Variants in NXPH1 observed in about 807,000 individuals in gnomAD.
NXPH1 encodes neurexophilin-1.
Under a neutral mutation model 23.7 loss-of-function variants are expected in NXPH1, and 5 were observed. That is an observed-to-expected ratio of 0.21 (90% CI 0.11 to 0.44). The LOEUF (loss-of-function observed/expected upper bound fraction) is 0.44, where lower values mean the gene tolerates loss of function less well. Ranked by LOEUF, NXPH1 falls within the 20% of genes least tolerant of loss-of-function variation. NXPH1 has a pLI of 0.99. For synonymous variants in NXPH1, 144 were observed against 122.2 expected, an observed-to-expected ratio of 1.18 and a Z score of -1.18; for missense variants, 324 against 321.6, an observed-to-expected ratio of 1.01 and a Z score of -0.06.
At chr7:8,465,342 G>A (rs1169218789) in intron 2 of NXPH1, among the ~76,000 whole-genome samples, 1 of 152,082 alleles carries the variant, frequency 6.6e-6, no homozygotes, top group African/African-American at 2.4e-5. Flanking sequence ...TTTTCTACTC[G>A]CTCCTCTATG....
At chr7:8,695,552 T>G (rs1821295052) in intron 2 of NXPH1, among the ~76,000 whole-genome samples, 1 of 151,646 alleles carries the variant, frequency 6.6e-6, no homozygotes, top group Non-Finnish European at 1.5e-5. Context: ...TACATTGCTA[T>G]TTATATGACC....
At chr7:8,436,609 C>T (rs1369077913) in intron 2 of NXPH1, among the ~76,000 whole-genome samples, 1 of 152,006 alleles carries the variant, frequency 6.6e-6, no homozygotes, top group Non-Finnish European at 1.5e-5. Flanking sequence ...TGAGATATTT[C>T]AGGTCTGGCT....
intron 2 of NXPH1, among the ~76,000 whole-genome samples, chr7:8,633,647 G>T (rs6963180): frequency 6.6e-6 from 1 of 151,834 alleles, no homozygotes; most frequent in African/African-American, 2.4e-5. Context: ...GTTTAGTAAC[G>T]TTTAACAATT....
At chr7:8,614,515 A>T (rs1458903483) in intron 2 of NXPH1, among the ~76,000 whole-genome samples, 1 of 152,006 alleles carries the variant, frequency 6.6e-6, no homozygotes, top group Non-Finnish European at 1.5e-5. Context: ...ATATATATAC[A>T]TACACGTTTA....
intron 2 of NXPH1, among the ~76,000 whole-genome samples, chr7:8,623,958 A>C (rs1325856800): frequency 6.6e-6 from 1 of 152,136 alleles, no homozygotes; most frequent in African/African-American, 2.4e-5. Context: ...AAAATTTTTG[A>C]ATCTAGTTTA....
intron 2 of NXPH1, among the ~76,000 whole-genome samples, chr7:8,708,198 G>A (rs1218468134): frequency 6.6e-6 from 1 of 152,116 alleles, no homozygotes; most frequent in Non-Finnish European, 1.5e-5. Flanking sequence ...GATCAAACAT[G>A]AGGAACCTGA....
chr7:8,646,700 A>C (rs759049861), intron 2 of NXPH1, among the ~76,000 whole-genome samples: 1 of 152,054 alleles, frequency 6.6e-6, no homozygotes, highest in African/African-American at 2.4e-5. Flanking sequence ...TGATCATATA[A>C]TTTTTCTCAT....
chr7:8,566,213 A>T (rs1488018615), intron 2 of NXPH1, among the ~76,000 whole-genome samples: 1 of 151,750 alleles, frequency 6.6e-6, no homozygotes, highest in Non-Finnish European at 1.5e-5. Context: ...GATGACTCAG[A>T]TACTTGTCCA....
chr7:8,597,719 G>GT (rs1263792825), intron 2 of NXPH1, among the ~76,000 whole-genome samples: 2 of 120,954 alleles, frequency 1.7e-5, no homozygotes, highest in Non-Finnish European at 3.4e-5. Flanking sequence ...GGGGGCGGGG[G>GT]GGCAGTGTGG....
chr7:8,714,044 G>A (rs1253636074), intron 2 of NXPH1, among the ~76,000 whole-genome samples: 1 of 152,136 alleles, frequency 6.6e-6, no homozygotes, highest in Non-Finnish European at 1.5e-5. Flanking sequence ...CAAGGCCCTG[G>A]GTGGGTTCAG....
At chr7:8,721,174 C>T (rs1239695563) in intron 2 of NXPH1, among the ~76,000 whole-genome samples, 1 of 152,076 alleles carries the variant, frequency 6.6e-6, no homozygotes, top group Non-Finnish European at 1.5e-5. Context: ...CCAGGACCTG[C>T]TTAAGGGTAA....
intron 2 of NXPH1, among the ~76,000 whole-genome samples, chr7:8,622,408 C>T (rs1056146907): frequency 6.6e-6 from 1 of 152,104 alleles, no homozygotes; most frequent in Non-Finnish European, 1.5e-5. Flanking sequence ...AATTATAAGT[C>T]TAGTTCTTTC....
rs150469521 is a variant in NXPH1, at chr7:8,732,026, C to G, written c.55-18982C>G. Among the ~76,000 whole-genome samples the G allele has an allele frequency of 8.1e-3, 1,231 of 152,338 alleles. 16 individuals are homozygous for G. Among genetic ancestry groups the G allele is most frequent in the African/African-American group, 0.027 (1,143 of 41,566 alleles). On this transcript the variant is annotated intron_variant, in intron 2 of 2. Coordinates refer to ENST00000405863, the MANE Select transcript of NXPH1 (RefSeq NM_152745.3). ...GGCATAGGACCCTCCGAGCCAGGTGCGGGATATAATCTCCTGGTGCGCCAT... is the reference window on the plus strand; with the variant it reads ...GGCATAGGACCCTCCGAGCCAGGTGGGGGATATAATCTCCTGGTGCGCCAT...
chr7:8,517,605 A>AT (rs752526732), intron 2 of NXPH1, among the ~76,000 whole-genome samples: 28 of 152,262 alleles, frequency 1.8e-4, no homozygotes, highest in Admixed American at 1.2e-3. Flanking sequence ...CTGAAGGGAT[A>AT]TTTCTCTTTA....
intron 2 of NXPH1, among the ~76,000 whole-genome samples, chr7:8,590,039 C>A (rs888117070): frequency 6.6e-6 from 1 of 152,184 alleles, no homozygotes; most frequent in East Asian, 1.9e-4. Flanking sequence ...TTGGATAGCA[C>A]TGAGAGGCTA....
intron 2 of NXPH1, among the ~76,000 whole-genome samples, chr7:8,472,414 T>C (rs377055389): frequency 1.3e-5 from 2 of 152,184 alleles, no homozygotes; most frequent in East Asian, 1.9e-4. Context: ...GATAACAACA[T>C]TGCCATTTTA....
In NXPH1 at chr7:8,442,394, A is replaced by G. The variant is rs571370364; in HGVS notation, c.54+6627A>G. The stretch of plus-strand genomic sequence containing the variant: ...AACCTGCCTCTGGCCGCGCCTCGCC[A>G]TCACCCCCGCCGCCCTAATGGATTC... On this transcript the variant is annotated intron_variant, in intron 2 of 2. Transcript: ENST00000405863. This position sits in a 1 kb window ranked among gnomAD's most constrained non-coding sequence, Gnocchi z 4.6. 6.6e-6 allele frequency among the ~76,000 whole-genome samples: 1 copy of G among 152,094 alleles called. No individual in the cohort carries two copies. Among genetic ancestry groups the G allele is most frequent in the Non-Finnish European group, 1.5e-5 (1 of 68,002 alleles).
intron 2 of NXPH1, among the ~76,000 whole-genome samples, chr7:8,695,349 A>G (rs1304524149): frequency 6.6e-6 from 1 of 152,202 alleles, no homozygotes; most frequent in Non-Finnish European, 1.5e-5. Flanking sequence ...TTAGTGATTG[A>G]TGGAGCCAGT....
intron 2 of NXPH1, among the ~76,000 whole-genome samples, chr7:8,698,031 A>T (rs1779562435): frequency 6.6e-6 from 1 of 152,212 alleles, no homozygotes; most frequent in African/African-American, 2.4e-5. Context: ...ACATTTGTAA[A>T]GTGATCACTT....
Sources: allele counts gnomAD v4.1 joint callset (sites outside exome capture counted in the v4.1 genomes callset), GRCh38; gene constraint gnomAD v4.1.1; non-coding constraint Gnocchi (gnomAD v3.1); transcripts MANE v1.5; gene names NCBI Gene and HGNC (gene_info 2026-07-23, HGNC 2026-07-21).